Variants in SLC29A2 observed in about 807,000 individuals in gnomAD.
The protein encoded by SLC29A2 is equilibrative nucleoside transporter 2.
In SLC29A2, 37 loss-of-function variants were observed where a neutral mutation model predicts 48.8. The ratio of observed to expected loss-of-function variants is 0.76; its 90% confidence interval spans 0.58 to 1.00. The LOEUF is 1.00. SLC29A2 is among the 50% of genes least tolerant of loss of function. The pLI is 0.00. For synonymous variants in SLC29A2, 233 were observed against 261.7 expected, an observed-to-expected ratio of 0.89 and a Z score of 1.06; for missense variants, 533 against 578.6, an observed-to-expected ratio of 0.92 and a Z score of 0.81.
chr11:66,371,372 G>T, intron 1 of SLC29A2, 47 bp from the exon 2 acceptor site: 1 of 1,590,864 alleles, frequency 6.3e-7, no homozygotes, highest in Non-Finnish European at 8.6e-7. Context: ...ACCCGCCTCC[G>T]CAGGCCCTCC....
chr11:66,366,137 G>T lies in SLC29A2; in HGVS notation c.962C>A (p.Pro321His). Residue 321 changes from proline to histidine, a missense_variant, in exon 9 of 12, where the codon CCT (proline) becomes CAT (histidine). Transcript: ENST00000357440. ...ITAMVTSSTS[P>H]GKWSQFFNPI... ...ACCCTGACACTCACTCCACTTCCCA[G>T]GACTGGTGGAGCTGGTCACCATGGC... The T allele has an allele frequency of 6.2e-7, 1 of 1,613,848 alleles. No individual in the cohort carries two copies. Among genetic ancestry groups the T allele is most frequent in the South Asian group, 1.1e-5 (1 of 91,076 alleles).
rs771116586 is a variant in SLC29A2 at position 66,364,330 on chromosome 11, C to A, written c.1154G>T (p.Arg385Leu). 3 of 1,613,828 alleles carry A rather than the reference C, an allele frequency of 1.9e-6. No homozygotes were observed. The highest frequency in any genetic ancestry group is 2.5e-6 in the Non-Finnish European group (3 of 1,179,982). Residue 385 changes from arginine to leucine, a missense_variant, in exon 11 of 12, where the codon CGG becomes CTG. Arg to Leu is a moderately radical substitution (Grantham distance 102, BLOSUM62 -2). Coordinates refer to ENST00000357440, the MANE Select transcript of SLC29A2 (RefSeq NM_001532.3). Reference sequence around the variant, plus strand: ...ATCCTGTGGGAAGAGGATGGGCAGCCGGGACCTCTGGGGCACGTGGCACAG... The same window carrying A: ...ATCCTGTGGGAAGAGGATGGGCAGCAGGGACCTCTGGGGCACGTGGCACAG... ...FMLCHVPQRS[R>L]LPILFPQDAY...
At position 66,371,314 on chromosome 11, in the gene SLC29A2, A is replaced by G. The variant is rs908471249; in HGVS notation, c.41T>C (p.Val14Ala). Reference sequence around the variant, plus strand: ...CCCCAGGATGAAGAAGCTGATCCCGACCAGGTGGTAGCTGTGGGGATCGGT... The same window carrying G: ...CCCCAGGATGAAGAAGCTGATCCCGGCCAGGTGGTAGCTGTGGGGATCGGT... ...GDAPRDSYHLVGISFFILGLG... is the reference protein window; with the variant it reads ...GDAPRDSYHLAGISFFILGLG... The change falls in exon 2 of 12, where the codon GTC becomes GCC. Residue 14 changes from valine (V) to alanine (A), a missense_variant. By Grantham distance (64) the Val-to-Ala change is moderately conservative (BLOSUM62 0). Coordinates refer to ENST00000357440, the MANE Select transcript of SLC29A2 (RefSeq NM_001532.3). The G allele has an allele frequency of 1.2e-6, 2 of 1,613,852 alleles. No individual in the cohort carries two copies. Among genetic ancestry groups the G allele is most frequent in the Non-Finnish European group, 1.7e-6 (2 of 1,179,996 alleles).
Position 66,366,513 on chromosome 11 carries a change from A to G in SLC29A2, c.785T>C (p.Leu262Pro). 2 of 1,614,104 alleles carry G rather than the reference A, an allele frequency of 1.2e-6. No homozygotes were observed. Among genetic ancestry groups the G allele is most frequent in the Non-Finnish European group, 8.5e-7 (1 of 1,180,026 alleles). ...SPQKVALTLDLDLEKEPESEP... is the reference protein window; with the variant it reads ...SPQKVALTLDPDLEKEPESEP... ...TGATTCCGGCTCCTTCTCCAGGTCA[A>G]GATCCAGGGTCAGAGCTACTTTCTG... The change falls in exon 8 of 12, where the codon CTT becomes CCT. Residue 262 changes from leucine (L) to proline (P), a missense_variant. By Grantham distance (98) the Leu-to-Pro change is moderately conservative. Transcript: ENST00000357440.
chr11:66,369,684 T>A (rs1437319969), intron 2 of SLC29A2, 152 bp from the exon 3 acceptor site: 4 of 894,886 alleles, frequency 4.5e-6, no homozygotes, highest in Non-Finnish European at 7.1e-6. Flanking sequence ...CGGAGCTCCA[T>A]GAATGTGTGC....
At position 66,366,133 on chromosome 11, in the gene SLC29A2, C is replaced by A. The variant is rs762209962; in HGVS notation, c.966G>T (p.Gly322=). 6 of 1,613,742 alleles carry A rather than the reference C, an allele frequency of 3.7e-6. No homozygotes were observed. The East Asian group carries it at 1.3e-4, about 36-fold the overall frequency. The change falls in exon 9 of 12, where the codon GGG becomes GGT. Residue 322 remains glycine (G), a synonymous_variant. Coordinates refer to ENST00000357440, the MANE Select transcript of SLC29A2 (RefSeq NM_001532.3). ...TAMVTSSTSP[G]KWSQFFNPIC... is the part of the protein sequence containing the mutation. ...CTCCACCCTGACACTCACTCCACTT[C>A]CCAGGACTGGTGGAGCTGGTCACCA...
At chr11:66,371,475 G>A in intron 1 of SLC29A2, 88 bp downstream of exon 1, 2 of 1,510,924 alleles carry the variant, frequency 1.3e-6, no homozygotes, top group South Asian at 1.2e-5. Flanking sequence ...ATTGTAGTTC[G>A]ATCCGGTCTT....
chr11:66,364,018 T>G (rs1243829525), intron 11 of SLC29A2, among the ~76,000 whole-genome samples: 1 of 152,152 alleles, frequency 6.6e-6, no homozygotes, highest in Non-Finnish European at 1.5e-5. Flanking sequence ...CCTGGGCTAC[T>G]TGGTTGGGCG....
chr11:66,371,409 C>T, intron 1 of SLC29A2, 84 bp from the exon 2 acceptor site: 1 of 1,540,112 alleles, frequency 6.5e-7, no homozygotes, highest in South Asian at 1.1e-5. Context: ...CCCTCCGGAG[C>T]GGACTACAAC....
intron 9 of SLC29A2, 51 bp from the exon 10 acceptor site, chr11:66,366,072 G>A (rs781292816): frequency 1.7e-5 from 28 of 1,605,808 alleles, no homozygotes; most frequent in South Asian, 7.7e-5. Context: ...CCCCTCTCCC[G>A]TCCTCTCCCC....
chr11:66,364,509 T>C (rs1855557283), intron 10 of SLC29A2, 85 bp from the exon 11 acceptor site: 2 of 973,160 alleles, frequency 2.1e-6, no homozygotes, highest in East Asian at 5.3e-5. Flanking sequence ...AGTACTTTTT[T>C]TTTTTTTTTT....
rs1450926367 is a variant in SLC29A2 at position 66,364,237 on chromosome 11, C to T, written c.1247G>A (p.Cys416Tyr). Residue 416 changes from cysteine (C) to tyrosine (Y), a missense_variant, in exon 11 of 12, where the codon TGC (cysteine) becomes TAC (tyrosine). Coordinates refer to ENST00000357440, the MANE Select transcript of SLC29A2 (RefSeq NM_001532.3). ...CATTGCCCCGGACCTGGGCGCCAGG[C>T]ACATGGTGAGGGACACCAGGTAGCC... The part of the protein sequence containing the change: ...SNGYLVSLTM[C>Y]LAPRQVLPHE... The T allele has an allele frequency of 5.6e-6, 9 of 1,611,340 alleles. No homozygotes were observed. In the African/African-American group the frequency reaches 6.7e-5, roughly 12 times the overall value.
At chr11:66,371,447 G>A in intron 1 of SLC29A2, 116 bp downstream of exon 1, 1 of 1,503,216 alleles carries the variant, frequency 6.7e-7, no homozygotes, top group Non-Finnish European at 9.1e-7. Context: ...CGGCGGCCGA[G>A]GGAGTCGGCT....
chr11:66,368,547 C>A lies in SLC29A2; in HGVS notation c.540G>T (p.Leu180=). 1 of 1,613,596 alleles carries A rather than the reference C, an allele frequency of 6.2e-7. No homozygotes were observed. Among genetic ancestry groups the A allele is most frequent in the African/African-American group, 1.3e-5 (1 of 75,068 alleles). ...AGIFAALAML[L]SMASGVDAET... is the part of the protein sequence containing the mutation. ...CCCAAGTGCACTCACTGGCCATGGA[C>A]AGGAGCATGGCAAGGGCAGCAAAGA... The change falls in exon 5 of 12, where the codon CTG becomes CTT. Residue 180 remains leucine (L), a synonymous_variant. Transcript: ENST00000357440.
At chr11:66,370,342 C>T (rs1489831846) in intron 2 of SLC29A2, among the ~76,000 whole-genome samples, 2 of 152,232 alleles carry the variant, frequency 1.3e-5, no homozygotes, top group Non-Finnish European at 2.9e-5. Context: ...CTTTGGCCCC[C>T]TCTTGCTCTC....
intron 4 of SLC29A2, 92 bp from the exon 5 acceptor site, chr11:66,368,763 G>T: frequency 6.6e-7 from 1 of 1,516,864 alleles, no homozygotes. Flanking sequence ...AGGGGACTCT[G>T]GACAAGGTTG....
Position 66,369,508 on chromosome 11 carries a change from C to T in SLC29A2, c.136G>A (p.Ala46Thr). 6.2e-7 allele frequency: 1 copy of T among 1,613,890 alleles called. No homozygotes were observed. The highest frequency in any genetic ancestry group is 2.2e-5 in the East Asian group (1 of 44,868). ...IPYFQARLAG[A>T]GNSTARILST... ...AGGATCCTGGCTGTGCTGTTGCCGGCCCCGGCCAGTCGCGCCTGGAAGTAC... is the reference window on the plus strand; with the variant it reads ...AGGATCCTGGCTGTGCTGTTGCCGGTCCCGGCCAGTCGCGCCTGGAAGTAC... The change falls in exon 3 of 12, where the codon GCC (alanine) becomes ACC (threonine). Residue 46 changes from alanine to threonine, a missense_variant. By Grantham distance (58) the Ala-to-Thr change is moderately conservative (BLOSUM62 0). Transcript: ENST00000357440.
At chr11:66,368,994 C>T (rs1855867318) in intron 4 of SLC29A2, 66 bp downstream of exon 4, 2 of 1,548,824 alleles carry the variant, frequency 1.3e-6, no homozygotes, top group South Asian at 1.2e-5. Flanking sequence ...ATGCTGGGCC[C>T]TTTCAATGAT....
Position 66,369,050 on chromosome 11 carries a change from A to G in SLC29A2, c.415+10T>C. The G allele has an allele frequency of 1.9e-6, 3 of 1,596,030 alleles. No homozygotes were observed. The East Asian group carries it at 6.8e-5, about 36-fold the overall frequency. On this transcript the variant is annotated intron_variant, in intron 4 of 11. Coordinates refer to ENST00000357440, the MANE Select transcript of SLC29A2 (RefSeq NM_001532.3). ...CATAGGCTGGCTGGAGAGGGGGTGG[A>G]GGTGCTCACAGTTGATGAAGCAGAC...
Sources: allele counts gnomAD v4.1 joint callset (sites outside exome capture counted in the v4.1 genomes callset), GRCh38; gene constraint gnomAD v4.1.1; transcripts MANE v1.5; gene names NCBI Gene and HGNC (gene_info 2026-07-23, HGNC 2026-07-21).